Variants in TET2 observed in about 807,000 individuals in gnomAD.
TET2 encodes the protein tet methylcytosine dioxygenase 2.
Under a neutral mutation model 142.9 loss-of-function variants are expected in TET2, and 299 were observed. The ratio of observed to expected loss-of-function variants is 2.09; its 90% CI spans 1.90 to 2.30. The LOEUF (loss-of-function observed/expected upper bound fraction) is 2.30. Ranked by LOEUF, TET2 falls within the 30% of genes most tolerant of loss-of-function variation. The pLI, the probability that TET2 is intolerant of heterozygous loss-of-function variation, is 0.00. For synonymous variants in TET2, 819 were observed against 849.0 expected, an observed-to-expected ratio of 0.96 and a Z score of 0.61; for missense variants, 2,418 against 2,378.0, an observed-to-expected ratio of 1.02 and a Z score of -0.35.
At chr4:105,146,456 T>G (rs1012476301), upstream of TET2, 1 of 151,910 alleles carries the variant, frequency 6.6e-6, no homozygotes, top group African/African-American at 2.4e-5. Flanking sequence ...GGCGCACCAC[T>G]CCCCCCGCGC....
At chr4:105,188,353 AG>A (rs2110474892) in intron 1 of TET2, among the ~76,000 whole-genome samples, 1 of 152,320 alleles carries the variant, frequency 6.6e-6, no homozygotes, top group Non-Finnish European at 1.5e-5. Context: ...AATGATTGCC[AG>A]GGGCTGGGAG....
chr4:105,164,412 C>T (rs1578545164), intron 1 of TET2, among the ~76,000 whole-genome samples: 6 of 152,188 alleles, frequency 3.9e-5, no homozygotes, highest in Admixed American at 3.9e-4. Context: ...ATTCTTATCT[C>T]ATGGATTACT....
chr4:105,175,892 A>G (rs1166750214), intron 1 of TET2, among the ~76,000 whole-genome samples: 7 of 152,180 alleles, frequency 4.6e-5, no homozygotes, highest in African/African-American at 1.7e-4. Flanking sequence ...AACCATACAA[A>G]TAAGAGAGTA....
In TET2 at chr4:105,236,748, A is replaced by C; in HGVS notation, c.2806A>C (p.Ser936Arg). Residue 936 changes from serine (S) to arginine (R), a missense_variant, in exon 3 of 11, where the codon AGT becomes CGT. Physicochemically the swap from Ser to Arg is moderately radical, Grantham distance 110. Coordinates refer to ENST00000380013, the MANE Select transcript of TET2 (RefSeq NM_001127208.3). ...TTTTCCTGTGCCTGACCAGGGAGGA[A>C]GTCACACTCAGACCCCTCCCCAGAA... ...NVFPVPDQGGSHTQTPPQKDT... is the reference protein window; with the variant it reads ...NVFPVPDQGGRHTQTPPQKDT... The C allele has an allele frequency of 1.9e-6, 3 of 1,614,134 alleles. No homozygotes were observed. The highest frequency in any genetic ancestry group is 2.5e-6 in the Non-Finnish European group (3 of 1,180,006).
intron 6 of TET2, among the ~76,000 whole-genome samples, chr4:105,246,616 A>T (rs1477548362): frequency 2.6e-5 from 4 of 152,256 alleles, no homozygotes; most frequent in African/African-American, 9.6e-5. Context: ...GACTTTACTC[A>T]GAAATAGCTT....
At chr4:105,181,910 T>C (rs1725142488) in intron 1 of TET2, among the ~76,000 whole-genome samples, 1 of 152,190 alleles carries the variant, frequency 6.6e-6, no homozygotes, top group South Asian at 2.1e-4. Flanking sequence ...GAGGAGTGTA[T>C]TTAAATTCTG....
At chr4:105,265,418 T>A (rs1341196279) in intron 8 of TET2, among the ~76,000 whole-genome samples, 2 of 152,232 alleles carry the variant, frequency 1.3e-5, no homozygotes, top group Non-Finnish European at 1.5e-5. Flanking sequence ...CAGTAATTCA[T>A]TCACAAAATC....
chr4:105,194,135 A>G (rs9985622), intron 2 of TET2, among the ~76,000 whole-genome samples: 8,644 of 152,176 alleles, frequency 0.057, 684 homozygotes, highest in African/African-American at 0.17. Context: ...AAAAATAATA[A>G]AAAAGTATTA....
chr4:105,162,068 G>A (rs74381173), intron 1 of TET2, among the ~76,000 whole-genome samples: 1 of 152,278 alleles, frequency 6.6e-6, no homozygotes, highest in African/African-American at 2.4e-5. Context: ...TCCCTAATAT[G>A]TTGAAAGTGC....
chr4:105,201,767 G>A (rs1726488148), intron 2 of TET2, among the ~76,000 whole-genome samples: 1 of 130,492 alleles, frequency 7.7e-6, no homozygotes, highest in African/African-American at 3.0e-5. Flanking sequence ...TTCAGACAGG[G>A]TTTCACTCCT....
chr4:105,268,997 AG>A (rs1364073221), intron 8 of TET2, among the ~76,000 whole-genome samples: 2 of 152,144 alleles, frequency 1.3e-5, no homozygotes, highest in South Asian at 2.1e-4. Flanking sequence ...ATTTTTAAAA[AG>A]TTTGATATTG....
chr4:105,255,473 ATGTTTTATAGATGTC>A (rs1730076775), intron 6 of TET2, among the ~76,000 whole-genome samples: 1 of 152,186 alleles, frequency 6.6e-6, no homozygotes, highest in Non-Finnish European at 1.5e-5. Context: ...GGTGGGTGGC[ATGTTTTATAGATGTC>A]TGTTAGACCT....
intron 1 of TET2, among the ~76,000 whole-genome samples, chr4:105,170,873 C>T (rs190259423): frequency 6.6e-6 from 1 of 152,244 alleles, no homozygotes; most frequent in Admixed American, 6.5e-5. Flanking sequence ...TTAGGGTGCT[C>T]AAGCCTCCTG....
chr4:105,234,464 T>G lies in TET2; in HGVS notation c.522T>G (p.Pro174=). 6.2e-7 allele frequency: 1 copy of G among 1,614,012 alleles called. No individual in the cohort carries two copies. Among genetic ancestry groups the G allele is most frequent in the Non-Finnish European group, 8.5e-7 (1 of 1,179,994 alleles). Residue 174 remains proline, a synonymous_variant, in exon 3 of 11, where the codon CCT becomes CCG. Coordinates refer to ENST00000380013, the MANE Select transcript of TET2 (RefSeq NM_001127208.3). ...TSFSTHNCSG[P]ENPELQILNE... The stretch of plus-strand genomic sequence containing the variant: ...TTTCAACACATAACTGCAGTGGGCC[T>G]GAAAATCCAGAGCTTCAGATTCTGA...
chr4:105,162,870 G>A (rs1723929618), intron 1 of TET2, among the ~76,000 whole-genome samples: 1 of 152,062 alleles, frequency 6.6e-6, no homozygotes, highest in South Asian at 2.1e-4. Context: ...CAATAATACG[G>A]GGAGAAAATC....
At chr4:105,263,566 G>T (rs1022432848) in intron 8 of TET2, among the ~76,000 whole-genome samples, 3 of 152,182 alleles carry the variant, frequency 2.0e-5, no homozygotes, top group Non-Finnish European at 4.4e-5. Flanking sequence ...GTAAGAAATA[G>T]TAAGTTTTGG....
intron 1 of TET2, among the ~76,000 whole-genome samples, chr4:105,186,922 C>CCAATAG (rs1456111624): frequency 5.9e-5 from 9 of 152,206 alleles, no homozygotes; most frequent in Non-Finnish European, 1.2e-4. Context: ...GAACTATATT[C>CCAATAG]TAGCAAGAGA....
rs748568083 is a variant in TET2 at position 105,235,340 on chromosome 4, T to C, written c.1398T>C (p.Ser466=). 3.1e-6 allele frequency: 5 copies of C among 1,614,060 alleles called. No individual in the cohort carries two copies. The highest frequency in any genetic ancestry group is 2.2e-5 in the East Asian group (1 of 44,888). ...CACCTTCCCAGAGTCCTAATCCATC[T>C]ACACATGTATGCAGCCCTTCTCCGA... ...EAPPSQSPNP[S]THVCSPSPML... Residue 466 remains serine (S), a synonymous_variant, in exon 3 of 11, where the codon TCT becomes TCC. Transcript: ENST00000380013.
intron 1 of TET2, among the ~76,000 whole-genome samples, chr4:105,184,130 AT>A (rs998760235): frequency 6.6e-6 from 1 of 151,402 alleles, no homozygotes; most frequent in Non-Finnish European, 1.5e-5. Flanking sequence ...CAGATGCAGA[AT>A]TTTTTTTTGC....
Sources: allele counts gnomAD v4.1 joint callset (sites outside exome capture counted in the v4.1 genomes callset), GRCh38; gene constraint gnomAD v4.1.1; transcripts MANE v1.5; gene names NCBI Gene and HGNC (gene_info 2026-07-23, HGNC 2026-07-21).